COL4A4: variants seen among roughly 807,000 people sequenced by gnomAD.
COL4A4 encodes the protein collagen alpha-4(IV) chain.
Under a neutral mutation model 192.9 loss-of-function variants are expected in COL4A4, and 105 were observed. That is an observed-to-expected ratio of 0.54 (90% confidence interval 0.46 to 0.64). COL4A4 has a LOEUF of 0.64. Ranked by LOEUF, COL4A4 falls within the 30% of genes least tolerant of loss-of-function variation. COL4A4 has a pLI of 0.00. For synonymous variants in COL4A4, 762 were observed against 769.9 expected (o/e 0.99, Z 0.17); for missense variants, 1,967 against 2,169.3 (o/e 0.91, Z 1.85).
chr2:226,996,744 A>G, the COL4A4 span: 1 of 152,146 alleles, frequency 6.6e-6, no homozygotes, highest in Non-Finnish European at 1.5e-5. Context: ...TGCTTTCTTC[A>G]TTTTTATAAT....
At chr2:226,990,327 A>G in the COL4A4 span, among the ~76,000 whole-genome samples, 1 of 152,208 alleles carries the variant, frequency 6.6e-6, no homozygotes, top group Non-Finnish European at 1.5e-5. Context: ...CATGGGTCGC[A>G]TGCTGCTGCC....
Position 227,030,577 on chromosome 2 carries a change from A to G in COL4A4, c.3839T>C (p.Leu1280Pro). The G allele has an allele frequency of 1.2e-6, 2 of 1,608,236 alleles. No individual in the cohort carries two copies. The highest frequency in any genetic ancestry group is 1.7e-6 in the Non-Finnish European group (2 of 1,177,712). Residue 1280 changes from leucine (L) to proline (P), a missense_variant, in exon 41 of 48, where the codon CTC becomes CCC. Physicochemically the swap from Leu to Pro is moderately conservative, Grantham distance 98. Coordinates refer to ENST00000396625, the MANE Select transcript of COL4A4 (RefSeq NM_000092.5). Reference protein sequence around the residue: ...GPRGAPGPPGLPGSVDLLRGE... With the variant: ...GPRGAPGPPGPPGSVDLLRGE... ...TCTCAGAAGGTCAACACTCCCAGGG[A>G]GGCCTGGAGGCCCAGGTGCTCCTGA... is the stretch of plus-strand genomic sequence containing the variant.
At chr2:226,980,225 G>A in the COL4A4 span, among the ~76,000 whole-genome samples, 1 of 152,168 alleles carries the variant, frequency 6.6e-6, no homozygotes, top group East Asian at 1.9e-4. Context: ...AGTGAATAAA[G>A]TAGCTTATCC....
the COL4A4 span, among the ~76,000 whole-genome samples, chr2:226,986,275 C>T: frequency 4.6e-5 from 7 of 151,958 alleles, no homozygotes; most frequent in East Asian, 1.9e-4. Flanking sequence ...GATTGGACCC[C>T]GAACAGAAAA....
At position 227,008,342 on chromosome 2, in the gene COL4A4, C is replaced by A. The variant is rs369065021; in HGVS notation, c.4523-38G>T. The A allele has an allele frequency of 1.4e-5, 22 of 1,607,190 alleles. No homozygotes were observed. The African/African-American group carries it at 2.7e-4, about 20-fold the overall frequency. On this transcript the variant is annotated intron_variant, in intron 46 of 47. Coordinates refer to ENST00000396625, the MANE Select transcript of COL4A4 (RefSeq NM_000092.5). ...AGAAGAGACAGCTGGTGTCCAAGCA[C>A]CCCATGTAGGTGTTCCCAGACCCTT...
chr2:227,074,164 A>G (rs13015629), intron 25 of COL4A4, among the ~76,000 whole-genome samples: 24,271 of 152,182 alleles, frequency 0.16, 2,471 homozygotes, highest in African/African-American at 0.29. Flanking sequence ...ACAAAGGGCC[A>G]GTATGCGGAA....
chr2:227,077,853 C>T, intron 25 of COL4A4, 41 bp downstream of exon 25: 2 of 1,541,100 alleles, frequency 1.3e-6, no homozygotes, highest in Non-Finnish European at 1.8e-6. Flanking sequence ...AACACTTGTA[C>T]CCCAAAGCTA....
intron 37 of COL4A4, among the ~76,000 whole-genome samples, chr2:227,041,834 AAGAAAGAAAGAAAG>A (rs1971220707): frequency 1.7e-4 from 7 of 41,854 alleles, no homozygotes; most frequent in African/African-American, 6.5e-4. Flanking sequence ...GAAAGAAAGA[AAGAAAGAAAGAAAG>A]AGAAAGAAAG....
chr2:227,045,865 C>T (rs1205545044), intron 35 of COL4A4, among the ~76,000 whole-genome samples: 3,397 of 62,768 alleles, frequency 0.054, 697 homozygotes, highest in South Asian at 0.1. Flanking sequence ...TATATATACA[C>T]ATATATATAC....
At chr2:227,038,557 T>C (rs1970157655) in intron 37 of COL4A4, among the ~76,000 whole-genome samples, 1 of 152,254 alleles carries the variant, frequency 6.6e-6, no homozygotes, top group Admixed American at 6.5e-5. Context: ...CAGGCTCTTT[T>C]TTGGTTCCAT....
chr2:227,021,906 G>T, intron 44 of COL4A4, 142 bp downstream of exon 44: 1 of 874,962 alleles, frequency 1.1e-6, no homozygotes, highest in Non-Finnish European at 1.8e-6. Flanking sequence ...TTGGATCAAG[G>T]TAGAAACAAA....
chr2:227,060,101 G>GAAAGAAAA, intron 27 of COL4A4, 35 bp downstream of exon 27: 1 of 503,760 alleles, frequency 2.0e-6, no homozygotes, highest in Non-Finnish European at 3.1e-6. Flanking sequence ...TCCCAAAGCA[G>GAAAGAAAA]AAAAAAAAAA....
intron 18 of COL4A4, 49 bp downstream of exon 18, chr2:227,099,571 A>T (rs2060392575): frequency 6.4e-7 from 1 of 1,561,108 alleles, no homozygotes; most frequent in East Asian, 2.2e-5. Context: ...CTGGCCACTC[A>T]ACTCCTATTT....
rs370336724 is a variant in COL4A4, at chr2:227,132,810, T to C, written c.192+7351A>G. On this transcript the variant is annotated intron_variant, in intron 4 of 47. Transcript: ENST00000396625. ...AATAAACAAAAAAAAGATTGTGTTA[T>C]AGAGAAATAAGCACCTTGGAGACAG... Among the ~76,000 whole-genome samples, 20 of 152,266 alleles carry C rather than the reference T, an allele frequency of 1.3e-4. No homozygotes were observed. The East Asian group carries it at 2.1e-3, about 16-fold the overall frequency.
At chr2:227,020,880 CTTTT>C (rs57119611) in intron 44 of COL4A4, among the ~76,000 whole-genome samples, 1 of 127,590 alleles carries the variant, frequency 7.8e-6, no homozygotes, top group African/African-American at 3.2e-5. Context: ...ACACTTTTTT[CTTTT>C]TTTTTTTTTT....
intron 19 of COL4A4, among the ~76,000 whole-genome samples, chr2:227,095,392 T>A (rs113991908): frequency 1.3e-5 from 2 of 152,220 alleles, no homozygotes; most frequent in Admixed American, 6.5e-5. Flanking sequence ...TTTAACTTAT[T>A]GAGCATTCTG....
At chr2:226,983,392 T>TA in the COL4A4 span, among the ~76,000 whole-genome samples, 206 of 152,290 alleles carry the variant, frequency 1.4e-3, 1 homozygote, top group Middle Eastern at 3.4e-3. Flanking sequence ...TGGGGCCAGT[T>TA]ATGTGGTTCA....
At chr2:227,080,819 C>CT (rs985717487) in intron 23 of COL4A4, among the ~76,000 whole-genome samples, 1 of 152,192 alleles carries the variant, frequency 6.6e-6, no homozygotes, top group African/African-American at 2.4e-5. Flanking sequence ...CTTCCCCTAC[C>CT]TGTGATGCCA....
chr2:227,161,949 G>T lies in COL4A4; in HGVS notation c.-102+2058C>A, dbSNP rs202188354. Reference sequence around the variant, plus strand: ...TTTCCTTTGTACAAAAAAAAAAAAAGAATCAAATTTCACTATGTGACTACT... The same window carrying T: ...TTTCCTTTGTACAAAAAAAAAAAAATAATCAAATTTCACTATGTGACTACT... On this transcript the variant is annotated intron_variant, in intron 1 of 47. Coordinates refer to ENST00000396625, the MANE Select transcript of COL4A4 (RefSeq NM_000092.5). Among the ~76,000 whole-genome samples the T allele has an allele frequency of 1.0e-4, 15 of 150,592 alleles. No homozygotes were observed. In the South Asian group the frequency reaches 3.2e-3, roughly 32 times the overall value.
Sources: allele counts gnomAD v4.1 joint callset (sites outside exome capture counted in the v4.1 genomes callset), GRCh38; gene constraint gnomAD v4.1.1; transcripts MANE v1.5; gene names NCBI Gene and HGNC (gene_info 2026-07-23, HGNC 2026-07-21).